The following DHRSX variants were observed in gnomAD, a reference collection of about 807,000 sequenced individuals.
The protein encoded by DHRSX is dehydrogenase/reductase X-linked, also known as polyprenol dehydrogenase.
DHRSX carries 31 observed loss-of-function variants against 34.0 expected under a neutral mutation model. The ratio of observed to expected loss-of-function variants is 0.91; its 90% CI spans 0.69 to 1.23. DHRSX has a LOEUF of 1.23. DHRSX is among the 50% of genes most tolerant of loss of function. The pLI is 0.00. For synonymous variants in DHRSX, 201 were observed against 183.8 expected, an observed-to-expected ratio of 1.09 and a Z score of -0.76; for missense variants, 414 against 428.1, an observed-to-expected ratio of 0.97 and a Z score of 0.29.
At chrX:2,364,425 A>G (rs1048389650) in intron 3 of DHRSX, among the ~76,000 whole-genome samples, 13 of 152,148 alleles carry the variant, frequency 8.5e-5, no homozygotes, top group African/African-American at 3.1e-4. Flanking sequence ...GCCAAGGTTG[A>G]CAAAGCCTGC....
chrX:2,436,023 T>A (rs2043986951), intron 1 of DHRSX, among the ~76,000 whole-genome samples: 1 of 151,938 alleles, frequency 6.6e-6, no homozygotes, highest in Non-Finnish European at 1.5e-5. Flanking sequence ...TGAAACCCCG[T>A]CTGTACTAAA....
chrX:2,267,067 C>A, intron 4 of DHRSX, 120 bp from the exon 5 acceptor site: 1 of 973,462 alleles, frequency 1.0e-6, no homozygotes, highest in Non-Finnish European at 1.6e-6. Flanking sequence ...GTAGAGCTGG[C>A]GGCCATGTCT....
rs2015483128 is a variant in DHRSX at position 2,219,712 on chromosome X, A to AT, written c.*1328dup. 1 of 152,088 alleles carries AT rather than the reference A, an allele frequency of 6.6e-6. No homozygotes were observed. Among genetic ancestry groups the AT allele is most frequent in the Non-Finnish European group, 1.5e-5 (1 of 68,034 alleles). The allele number at this position is 152,088 out of a possible 1,614,324, so 9.4% of individuals were successfully genotyped here. A position where few individuals can be genotyped will look rare whatever the true frequency, so the allele number is the denominator to read the frequency against. ...AGCCTGGATTTGAATAGTCAGTGGG[A>AT]TTTTGTCACTTAGTGGAATGGATAA... On this transcript the variant is annotated 3_prime_UTR_variant, in exon 7 of 7. Coordinates refer to ENST00000334651, the MANE Select transcript of DHRSX (RefSeq NM_145177.3).
In DHRSX at chrX:2,345,946, C is replaced by G. The variant is rs188360859; in HGVS notation, c.287-54343G>C. On this transcript the variant is annotated intron_variant, in intron 3 of 6. Transcript: ENST00000334651. ...AATAAATGTGCTTTCTATCAGTACA[C>G]ACATCATATTGGTTCTATTTCTCTG... is the stretch of plus-strand genomic sequence containing the variant. Among the ~76,000 whole-genome samples the G allele has an allele frequency of 7.2e-5, 11 of 152,282 alleles. No homozygotes were observed. The East Asian group carries it at 1.9e-3, about 27-fold the overall frequency.
chrX:2,415,842 A>G (rs1239413040), intron 2 of DHRSX, among the ~76,000 whole-genome samples: 2 of 147,090 alleles, frequency 1.4e-5, no homozygotes, highest in Non-Finnish European at 3.1e-5. Context: ...AGACCTCATA[A>G]TAACTTCACC....
rs780533250 is a variant in DHRSX, at chrX:2,244,302, C to CCTCTCTCTCTCT, written c.597-1084_597-1073dup. 4.6e-4 allele frequency among the ~76,000 whole-genome samples: 70 copies of CCTCTCTCTCTCT among 150,644 alleles called. 1 individual carries two copies. The highest frequency in any genetic ancestry group is 1.3e-3 in the South Asian group (6 of 4,756). On this transcript the variant is annotated intron_variant, in intron 5 of 6. Transcript: ENST00000334651. ...TAACCGCGGTAAAGTGAGTAACGTGCCTCTCTCTCTCTCTCTGGTAACCTC... is the reference window on the plus strand; with the variant it reads ...TAACCGCGGTAAAGTGAGTAACGTGCCTCTCTCTCTCTCTCTCTCTCTCTCTCTGGTAACCTC...
intron 2 of DHRSX, among the ~76,000 whole-genome samples, chrX:2,409,559 T>C (rs1226314925): frequency 1.3e-5 from 2 of 152,128 alleles, no homozygotes; most frequent in Non-Finnish European, 2.9e-5. Context: ...GTTGGCTGTG[T>C]GCTCAGGATT....
At chrX:2,390,820 T>G (rs2043327220) in intron 3 of DHRSX, among the ~76,000 whole-genome samples, 3 of 152,208 alleles carry the variant, frequency 2.0e-5, no homozygotes, top group Admixed American at 6.5e-5. Flanking sequence ...TGAATATCCT[T>G]CCTTTTTTAT....
At chrX:2,430,668 C>T (rs1215113070) in intron 1 of DHRSX, among the ~76,000 whole-genome samples, 1 of 152,104 alleles carries the variant, frequency 6.6e-6, no homozygotes, top group East Asian at 1.9e-4. Context: ...CACACAGTTC[C>T]CCTAGTAAAT....
chrX:2,401,148 CGCCCAGGCCGGAGT>C (rs1206908143), intron 3 of DHRSX, among the ~76,000 whole-genome samples: 1 of 147,534 alleles, frequency 6.8e-6, no homozygotes, highest in Admixed American at 6.8e-5. Flanking sequence ...TTTTCTCTGT[CGCCCAGGCCGGAGT>C]GCAGTGGCAT....
intron 1 of DHRSX, chrX:2,489,152 A>G: frequency 1.9e-6 from 3 of 1,613,512 alleles, no homozygotes; most frequent in Non-Finnish European, 2.5e-6. Context: ...CTCCTCGGGC[A>G]CCGGGAAGAT....
Position 2,442,009 on chromosome X carries a change from G to A in DHRSX, c.110-16705C>T, listed in dbSNP as rs1413514553. Among the ~76,000 whole-genome samples, 3 of 152,160 alleles carry A rather than the reference G, an allele frequency of 2.0e-5. No homozygotes were observed. In the South Asian group the frequency reaches 6.2e-4, roughly 32 times the overall value. Reference sequence around the variant, plus strand: ...GAATTGCTTGAACCCAGAAGGCAGAGGTTGCAGTGAGCTGAGATCATGCCA... The same window carrying A: ...GAATTGCTTGAACCCAGAAGGCAGAAGTTGCAGTGAGCTGAGATCATGCCA... On this transcript the variant is annotated intron_variant, in intron 1 of 6. Coordinates refer to ENST00000334651, the MANE Select transcript of DHRSX (RefSeq NM_145177.3).
intron 3 of DHRSX, among the ~76,000 whole-genome samples, chrX:2,306,463 C>CTTT (rs537318296): frequency 2.1e-5 from 3 of 140,022 alleles, no homozygotes; most frequent in African/African-American, 2.6e-5. Flanking sequence ...GATCAATTAT[C>CTTT]TTTTTTTTTT....
chrX:2,472,933 G>A (rs1325108033), intron 1 of DHRSX, among the ~76,000 whole-genome samples: 2 of 152,110 alleles, frequency 1.3e-5, no homozygotes, highest in Non-Finnish European at 2.9e-5. Flanking sequence ...ATTCCTTTCA[G>A]TGTAGAAGGT....
At chrX:2,231,597 C>CT (rs1030090220) in intron 6 of DHRSX, among the ~76,000 whole-genome samples, 1 of 43,488 alleles carries the variant, frequency 2.3e-5, no homozygotes, top group Non-Finnish European at 3.9e-5. Context: ...CCTCCTTTTT[C>CT]TTTTTTCCCT....
chrX:2,407,927 T>TA lies in DHRSX; in HGVS notation c.286+817dup, dbSNP rs764398564. ...ACTGTACTTGCACTCCCTACCTGTATACAAATGAAAAATAAAATAATAAAT... is the reference window on the plus strand; with the variant it reads ...ACTGTACTTGCACTCCCTACCTGTATAACAAATGAAAAATAAAATAATAAAT... On this transcript the variant is annotated intron_variant, in intron 3 of 6. Coordinates refer to ENST00000334651, the MANE Select transcript of DHRSX (RefSeq NM_145177.3). Among the ~76,000 whole-genome samples, 315 of 152,194 alleles carry TA rather than the reference T, an allele frequency of 2.1e-3. 2 individuals are homozygous for TA. Among genetic ancestry groups the TA allele is most frequent in the Middle Eastern group, 0.014 (4 of 294 alleles).
At chrX:2,345,084 C>T (rs908045672) in intron 3 of DHRSX, among the ~76,000 whole-genome samples, 1 of 151,432 alleles carries the variant, frequency 6.6e-6, no homozygotes, top group African/African-American at 2.4e-5. Flanking sequence ...ATCACAAGTC[C>T]CCTCAGAGCA....
At chrX:2,404,985 C>T (rs1009049090) in intron 3 of DHRSX, among the ~76,000 whole-genome samples, 1 of 152,222 alleles carries the variant, frequency 6.6e-6, no homozygotes, top group African/African-American at 2.4e-5. Context: ...CTGGGCTTGG[C>T]TCTGGCTGAG....
chrX:2,393,886 G>A (rs1186300930), intron 3 of DHRSX, among the ~76,000 whole-genome samples: 2 of 147,372 alleles, frequency 1.4e-5, no homozygotes, highest in Non-Finnish European at 3.0e-5. Context: ...ACAACACCCA[G>A]GGACCTCCCT....
Sources: gnomAD v4.1 joint callset for allele counts (sites outside exome capture counted in the v4.1 genomes callset) on GRCh38, gnomAD v4.1.1 for gene constraint, MANE v1.5 for transcripts, NCBI Gene and HGNC (gene_info 2026-07-23, HGNC 2026-07-21) for gene names.